Variants in PIK3CD observed in about 807,000 individuals in gnomAD.
The protein encoded by PIK3CD is phosphatidylinositol 4,5-bisphosphate 3-kinase catalytic subunit delta isoform.
A neutral mutation model predicts 122.9 loss-of-function variants in PIK3CD; 20 were observed. The observed-to-expected ratio is 0.16, with a 90% CI of 0.11 to 0.24. The LOEUF is 0.24. PIK3CD is among the 10% of genes least tolerant of loss of function. PIK3CD has a pLI of 1.00. For missense variants in PIK3CD, 787 were observed against 1,406.3 expected, an observed-to-expected ratio of 0.56 and a Z score of 7.04; for synonymous variants, 596 against 593.4, an observed-to-expected ratio of 1.00 and a Z score of -0.06.
chr1:9,686,541 C>T (rs116312017), intron 1 of PIK3CD, among the ~76,000 whole-genome samples: 2,068 of 151,774 alleles, frequency 0.014, 56 homozygotes, highest in African/African-American at 0.047. Context: ...AAAATAGAGA[C>T]GGGGGTCTCA....
chr1:9,722,465 G>A lies in PIK3CD; in HGVS notation c.2348-63G>A. On this transcript the variant is annotated intron_variant, in intron 18 of 23. Coordinates refer to ENST00000377346, the MANE Select transcript of PIK3CD (RefSeq NM_005026.5). This position sits in a 1 kb window ranked among gnomAD's most constrained non-coding sequence, Gnocchi z 7.6. ...AATCCTGGGACTTAAGGGCTTGGGT[G>A]TAGCTGGAAGCAGAGAACCTACCAG... 2 of 1,552,812 alleles carry A rather than the reference G, an allele frequency of 1.3e-6. No homozygotes were observed. Among genetic ancestry groups the A allele is most frequent in the East Asian group, 2.2e-5 (1 of 44,588 alleles).
At chr1:9,706,230 C>T (rs1399311117) in intron 2 of PIK3CD, among the ~76,000 whole-genome samples, 1 of 151,532 alleles carries the variant, frequency 6.6e-6, no homozygotes, top group African/African-American at 2.4e-5. Context: ...GGAGCTCACA[C>T]CTGTAATGCC....
At position 9,724,106 on chromosome 1, in the gene PIK3CD, T is replaced by C; in HGVS notation, c.2718+14T>C. 6.2e-7 allele frequency: 1 copy of C among 1,614,094 alleles called. No individual in the cohort carries two copies. The highest frequency in any genetic ancestry group is 8.5e-7 in the Non-Finnish European group (1 of 1,180,026). On this transcript the variant is annotated intron_variant, in intron 21 of 23. Transcript: ENST00000377346. The surrounding 1 kb of genome is among the most constrained non-coding windows in gnomAD (Gnocchi z 7.3). ...GAGAGTGGGCAGGTACAGGGGCTGG[T>C]GCTGGCGGCTGCTGTGGGGACTTGG...
Position 9,715,797 on chromosome 1 carries a change from C to T in PIK3CD, c.370+28C>T, listed in dbSNP as rs1490295363. ...AGCTCTGCCGAGTGGGCCGTGTGGC[C>T]GGGCTGGCCCTGCCTGCCCCACCCG... is the stretch of plus-strand genomic sequence containing the variant. On this transcript the variant is annotated intron_variant, in intron 4 of 23. Transcript: ENST00000377346. This position sits in a 1 kb window ranked among gnomAD's most constrained non-coding sequence, Gnocchi z 4.1. The T allele has an allele frequency of 1.2e-5, 20 of 1,611,866 alleles. No homozygotes were observed. The East Asian group carries it at 1.8e-4, about 14-fold the overall frequency.
At chr1:9,636,954 G>A in the PIK3CD span, among the ~76,000 whole-genome samples, 1 of 151,444 alleles carries the variant, frequency 6.6e-6, no homozygotes, top group Non-Finnish European at 1.5e-5. Flanking sequence ...CTGGAATGCA[G>A]TGGCCCGATC....
the PIK3CD span, among the ~76,000 whole-genome samples, chr1:9,636,240 C>T: frequency 6.6e-6 from 1 of 152,158 alleles, no homozygotes; most frequent in South Asian, 2.1e-4. Context: ...GTTGCCCAGG[C>T]TGGAGTGCAG....
intron 1 of PIK3CD, among the ~76,000 whole-genome samples, chr1:9,656,575 G>A (rs1176546005): frequency 2.6e-5 from 4 of 152,150 alleles, no homozygotes; most frequent in Admixed American, 6.6e-5. Context: ...GCTGCAGTGA[G>A]CCATGATTGA....
intron 1 of PIK3CD, among the ~76,000 whole-genome samples, chr1:9,663,852 C>A (rs1162202643): frequency 1.3e-5 from 2 of 150,336 alleles, no homozygotes; most frequent in Non-Finnish European, 2.9e-5. Flanking sequence ...TTTGTCCTTG[C>A]GATAGTTTGC....
chr1:9,710,308 AACTC>A lies in PIK3CD; in HGVS notation c.-32-111_-32-108del. 1.2e-6 allele frequency: 1 copy of A among 854,398 alleles called. No homozygotes were observed. Among genetic ancestry groups the A allele is most frequent in the Non-Finnish European group, 2.0e-6 (1 of 505,230 alleles). 52.9% of individuals were successfully genotyped at this position (854,398 alleles called of 1,614,324 possible). A position where few individuals can be genotyped will look rare whatever the true frequency, so the allele number is the denominator to read the frequency against. ...GAGCTTTTTGTACCCGCAGGTCGGG[AACTC>A]ACTCCTGAGCTTCCTGCTGTCCAAG... On this transcript the variant is annotated intron_variant, in intron 2 of 23. Coordinates refer to ENST00000377346, the MANE Select transcript of PIK3CD (RefSeq NM_005026.5). This position sits in a 1 kb window ranked among gnomAD's most constrained non-coding sequence, Gnocchi z 4.7.
intron 16 of PIK3CD, 44 bp from the exon 17 acceptor site, chr1:9,721,931 G>A (rs1178516554): frequency 8.7e-6 from 14 of 1,612,822 alleles, no homozygotes; most frequent in African/African-American, 1.3e-5. Flanking sequence ...GGGCTGGGTC[G>A]AGGCTGGGAC....
chr1:9,721,664 C>T (rs1648679741), intron 15 of PIK3CD, 77 bp downstream of exon 15: 1 of 1,608,180 alleles, frequency 6.2e-7, no homozygotes, highest in Non-Finnish European at 8.5e-7. Context: ...GGGACGTTTC[C>T]AGCAGGCCTG....
At position 9,721,744 on chromosome 1, in the gene PIK3CD, C is replaced by G. The variant is rs751591126; in HGVS notation, c.1956-17C>G. The G allele has an allele frequency of 1.9e-6, 3 of 1,612,364 alleles. No homozygotes were observed. The highest frequency in any genetic ancestry group is 1.1e-5 in the South Asian group (1 of 91,052). On this transcript the variant is annotated splice_polypyrimidine_tract_variant and intron_variant, in intron 15 of 23. Transcript: ENST00000377346. ...TGGTGCTGCCTGGTGAGGCTCAGCCCTCCCTTCACCTTCCAGCTCCGAGAT... is the reference window on the plus strand; with the variant it reads ...TGGTGCTGCCTGGTGAGGCTCAGCCGTCCCTTCACCTTCCAGCTCCGAGAT...
chr1:9,667,610 T>C (rs1363158007), intron 1 of PIK3CD, among the ~76,000 whole-genome samples: 1 of 151,484 alleles, frequency 6.6e-6, no homozygotes, highest in Non-Finnish European at 1.5e-5. Context: ...TCTCCTGAAC[T>C]CGTGATCTGC....
At chr1:9,705,341 AG>A (rs1253424534) in intron 2 of PIK3CD, among the ~76,000 whole-genome samples, 59 of 144,238 alleles carry the variant, frequency 4.1e-4, no homozygotes, top group East Asian at 1.2e-3. Flanking sequence ...AAAAAAAAAA[AG>A]GAAAAAAAAA....
chr1:9,669,654 C>T lies in PIK3CD; in HGVS notation c.-138+17852C>T, dbSNP rs374725145. Reference sequence around the variant, plus strand: ...AACCCTTCAGAGTGGCCTTGGCATTCGTTTTGAGGGGGCTTCAGGGAGCCT... The same window carrying T: ...AACCCTTCAGAGTGGCCTTGGCATTTGTTTTGAGGGGGCTTCAGGGAGCCT... On this transcript the variant is annotated intron_variant, in intron 1 of 23. Coordinates refer to ENST00000377346, the MANE Select transcript of PIK3CD (RefSeq NM_005026.5). Among the ~76,000 whole-genome samples, 8 of 152,062 alleles carry T rather than the reference C, an allele frequency of 5.3e-5. No homozygotes were observed. In the East Asian group the frequency reaches 9.7e-4, roughly 18 times the overall value.
rs1180718505 is a variant in PIK3CD at position 9,729,075 on chromosome 1, A to G, written c.*2029A>G. On this transcript the variant is annotated 3_prime_UTR_variant, in exon 24 of 24. Transcript: ENST00000377346. ...TAGCGGATACACTTTCTGACCTATC[A>G]TGAGTATACACATCTGCGAAGGGAA... 6.6e-6 allele frequency: 1 copy of G among 152,250 alleles called. No individual in the cohort carries two copies. The highest frequency in any genetic ancestry group is 1.5e-5 in the Non-Finnish European group (1 of 68,052). 9.4% of individuals were successfully genotyped at this position (152,250 alleles called of 1,614,324 possible).
At chr1:9,670,150 CAAAAAAAAAAAAA>C (rs375500599) in intron 1 of PIK3CD, among the ~76,000 whole-genome samples, 1 of 60,310 alleles carries the variant, frequency 1.7e-5, no homozygotes, top group Non-Finnish European at 3.9e-5. Flanking sequence ...AATTCCACCT[CAAAAAAAAAAAAA>C]AAAAAAAAAG....
chr1:9,697,582 T>A (rs74970988), intron 2 of PIK3CD, among the ~76,000 whole-genome samples: 8 of 151,964 alleles, frequency 5.3e-5, no homozygotes, highest in Non-Finnish European at 8.8e-5. Flanking sequence ...AGTTTTTTTT[T>A]AATTAGCTGG....
rs1249254651 is a variant in PIK3CD at position 9,726,944 on chromosome 1, A to G, written c.3033A>G (p.Ala1011=). The G allele has an allele frequency of 3.7e-6, 6 of 1,613,964 alleles. No individual in the cohort carries two copies. Among genetic ancestry groups the G allele is most frequent in the Non-Finnish European group, 3.4e-6 (4 of 1,179,892 alleles). ...CACTGGGGAAAACAGAGGAGGAGGC[A>G]CTGAAGCACTTCCGAGTGAAGTTTA... ...SLALGKTEEE[A]LKHFRVKFNE... The change falls in exon 24 of 24, where the codon GCA becomes GCG. Residue 1011 remains alanine (A), a synonymous_variant. Coordinates refer to ENST00000377346, the MANE Select transcript of PIK3CD (RefSeq NM_005026.5).
Sources: allele counts gnomAD v4.1 joint callset (sites outside exome capture counted in the v4.1 genomes callset), GRCh38; gene constraint gnomAD v4.1.1; non-coding constraint Gnocchi (gnomAD v3.1); transcripts MANE v1.5; gene names NCBI Gene and HGNC (gene_info 2026-07-23, HGNC 2026-07-21).